Variants in CTNNA3 observed in about 807,000 individuals in gnomAD.
CTNNA3 encodes the protein catenin alpha 3.
A neutral mutation model predicts 95.7 loss-of-function variants in CTNNA3; 76 were observed. That is an observed-to-expected ratio of 0.79 (90% confidence interval 0.66 to 0.96). The LOEUF is 0.96. Among genes scored for constraint, CTNNA3 ranks in the 40% least tolerant of loss-of-function variants. The pLI is 0.00. For missense variants in CTNNA3, 1,191 were observed against 1,089.8 expected (o/e 1.09, Z -1.31); for synonymous variants, 431 against 374.4 (o/e 1.15, Z -1.74).
chr10:67,450,183 T>TTTTG (rs1846916564), intron 5 of CTNNA3, among the ~76,000 whole-genome samples: 2 of 152,166 alleles, frequency 1.3e-5, no homozygotes, highest in Non-Finnish European at 2.9e-5. Flanking sequence ...AGGGAACACT[T>TTTTG]ATATATTGTT....
intron 12 of CTNNA3, among the ~76,000 whole-genome samples, chr10:66,293,468 T>G (rs1182246637): frequency 6.6e-6 from 1 of 152,052 alleles, no homozygotes; most frequent in Non-Finnish European, 1.5e-5. Context: ...TACAACAAGT[T>G]GTAATTTAAA....
intron 9 of CTNNA3, among the ~76,000 whole-genome samples, chr10:66,729,134 A>G (rs1321084274): frequency 6.6e-6 from 1 of 152,182 alleles, no homozygotes; most frequent in East Asian, 1.9e-4. Context: ...CCAGTGCTAT[A>G]AAAAGTGGAC....
At chr10:65,978,475 C>T in intron 16 of CTNNA3, among the ~76,000 whole-genome samples, 1 of 132,944 alleles carries the variant, frequency 7.5e-6, no homozygotes, top group Non-Finnish European at 1.6e-5. Context: ...GCTTTTGTTC[C>T]TGAGCAATTT....
Position 66,374,609 on chromosome 10 carries a change from T to C in CTNNA3, c.1732+4543A>G, listed in dbSNP as rs2092780292. Among the ~76,000 whole-genome samples, 8 of 80,468 alleles carry C rather than the reference T, an allele frequency of 9.9e-5. 1 individual carries two copies. The highest frequency in any genetic ancestry group is 9.9e-4 in the East Asian group (1 of 1,008). 52.8% of individuals were successfully genotyped at this position (80,468 alleles called of 152,430 possible). On this transcript the variant is annotated intron_variant, in intron 12 of 17. Coordinates refer to ENST00000433211, the MANE Select transcript of CTNNA3 (RefSeq NM_013266.4). ...TATTCCATTTTGAAAGAAAAGCCTT[T>C]TTTTTTTTTTTTTTTTTTTTTTTGA...
chr10:66,093,115 AG>A (rs2081272624), intron 14 of CTNNA3, among the ~76,000 whole-genome samples: 1 of 151,972 alleles, frequency 6.6e-6, no homozygotes, highest in African/African-American at 2.4e-5. Flanking sequence ...TGAAATTTCA[AG>A]AAGCATTTAT....
chr10:67,670,887 G>GT (rs1840418736), intron 1 of CTNNA3, among the ~76,000 whole-genome samples: 1 of 151,926 alleles, frequency 6.6e-6, no homozygotes, highest in Non-Finnish European at 1.5e-5. Flanking sequence ...TATGTGTATG[G>GT]ATGTTTAAAT....
chr10:66,937,302 A>C (rs1008671297), intron 7 of CTNNA3, among the ~76,000 whole-genome samples: 1 of 152,180 alleles, frequency 6.6e-6, no homozygotes, highest in South Asian at 2.1e-4. Context: ...TGTTGCAAGA[A>C]GGCAAAGAAT....
rs190234243 is a variant in CTNNA3, at chr10:67,430,974, A to T, written c.579+90868T>A. 6.6e-5 allele frequency among the ~76,000 whole-genome samples: 10 copies of T among 152,042 alleles called. No homozygotes were observed. The East Asian group carries it at 1.7e-3, about 27-fold the overall frequency. Reference sequence around the variant, plus strand: ...TAAATAAATTTGTCATTCTTGCTAAATTCCTCTGAGTTTGTTTATAATTGA... The same window carrying T: ...TAAATAAATTTGTCATTCTTGCTAATTTCCTCTGAGTTTGTTTATAATTGA... On this transcript the variant is annotated intron_variant, in intron 5 of 17. Transcript: ENST00000433211.
intron 6 of CTNNA3, among the ~76,000 whole-genome samples, chr10:67,184,771 A>T (rs1440547821): frequency 6.6e-6 from 1 of 152,176 alleles, no homozygotes; most frequent in Non-Finnish European, 1.5e-5. Context: ...TGATTTTACC[A>T]TTCTTTTGCC....
intron 7 of CTNNA3, among the ~76,000 whole-genome samples, chr10:66,955,426 C>T (rs1848734984): frequency 6.6e-6 from 1 of 152,130 alleles, no homozygotes; most frequent in South Asian, 2.1e-4. Flanking sequence ...TGATAAAATA[C>T]ATTCCAAATG....
chr10:67,038,487 A>G (rs1854202006), intron 7 of CTNNA3, among the ~76,000 whole-genome samples: 1 of 152,130 alleles, frequency 6.6e-6, no homozygotes, highest in African/African-American at 2.4e-5. Flanking sequence ...GCTCAGGAAA[A>G]GGACAACTCA....
chr10:67,654,745 C>G (rs1839974330), intron 1 of CTNNA3, among the ~76,000 whole-genome samples: 1 of 152,176 alleles, frequency 6.6e-6, no homozygotes, highest in African/African-American at 2.4e-5. Flanking sequence ...AGTAAAGTTA[C>G]TGAAGTATTA....
rs116517071 is a variant in CTNNA3, at chr10:66,322,360, C to T, written c.1733-41739G>A. ...GAACAAATGAGGAATGTCCTACAGTCGCCCAGGATTTCTGCCTGGAGGCAC... is the reference window on the plus strand; with the variant it reads ...GAACAAATGAGGAATGTCCTACAGTTGCCCAGGATTTCTGCCTGGAGGCAC... On this transcript the variant is annotated intron_variant, in intron 12 of 17. Coordinates refer to ENST00000433211, the MANE Select transcript of CTNNA3 (RefSeq NM_013266.4). 1.8e-3 allele frequency among the ~76,000 whole-genome samples: 270 copies of T among 152,158 alleles called. 2 individuals are homozygous for T. The highest frequency in any genetic ancestry group is 6.3e-3 in the African/African-American group (261 of 41,550).
chr10:67,469,496 C>T (rs965622398), intron 5 of CTNNA3, among the ~76,000 whole-genome samples: 11 of 151,020 alleles, frequency 7.3e-5, no homozygotes, highest in South Asian at 4.2e-4. Flanking sequence ...TCTCAGAAAA[C>T]GAACACAGGA....
At chr10:67,179,293 A>G (rs2132133920) in intron 7 of CTNNA3, among the ~76,000 whole-genome samples, 1 of 152,080 alleles carries the variant, frequency 6.6e-6, no homozygotes, top group Non-Finnish European at 1.5e-5. Context: ...TCAATATATA[A>G]TTGAAAATAT....
intron 13 of CTNNA3, among the ~76,000 whole-genome samples, chr10:66,180,345 G>A (rs1422589058): frequency 1.3e-5 from 2 of 152,124 alleles, no homozygotes; most frequent in South Asian, 2.1e-4. Flanking sequence ...TAGGAAGCTG[G>A]ATAAAGATAA....
intron 5 of CTNNA3, among the ~76,000 whole-genome samples, chr10:67,221,912 C>T (rs1267527949): frequency 6.6e-6 from 1 of 152,122 alleles, no homozygotes; most frequent in Non-Finnish European, 1.5e-5. Flanking sequence ...TAAAGTGCTT[C>T]TATACAGTAT....
chr10:66,147,774 A>C (rs935745282), intron 13 of CTNNA3, among the ~76,000 whole-genome samples: 2 of 46,960 alleles, frequency 4.3e-5, no homozygotes, highest in Non-Finnish European at 8.2e-5. Context: ...TGTTTAGTAT[A>C]GTATGTATAG....
intron 7 of CTNNA3, among the ~76,000 whole-genome samples, chr10:66,845,499 T>C (rs1314462737): frequency 1.3e-5 from 2 of 149,496 alleles, no homozygotes; most frequent in African/African-American, 2.5e-5. Flanking sequence ...AGGTCGGGAG[T>C]TCGAGACCAG....
Sources: allele counts gnomAD v4.1 joint callset (sites outside exome capture counted in the v4.1 genomes callset), GRCh38; gene constraint gnomAD v4.1.1; transcripts MANE v1.5; gene names NCBI Gene and HGNC (gene_info 2026-07-23, HGNC 2026-07-21).